LRBA: variants seen among roughly 807,000 people sequenced by gnomAD.
LRBA encodes LPS responsive beige-like anchor protein.
Under a neutral mutation model 330.0 loss-of-function variants are expected in LRBA, and 176 were observed. The observed-to-expected ratio is 0.53, with a 90% confidence interval of 0.47 to 0.60. LRBA has a LOEUF of 0.60. Ranked by LOEUF, LRBA falls within the 20% of genes least tolerant of loss-of-function variation. LRBA has a pLI of 0.00. For missense variants in LRBA, 3,259 were observed against 3,444.8 expected (o/e 0.95, Z 1.35); for synonymous variants, 1,230 against 1,193.0 (o/e 1.03, Z -0.64).
In LRBA at chr4:150,915,736, G is replaced by A; in HGVS notation, c.895-9C>T. The A allele has an allele frequency of 6.4e-7, 1 of 1,572,472 alleles. No homozygotes were observed. The highest frequency in any genetic ancestry group is 8.6e-7 in the Non-Finnish European group (1 of 1,162,810). ...ATGGTAACCATATACCACTGCAGAA[G>A]CAAAAAACAGTTAAAAATACAAAGA... On this transcript the variant is annotated splice_polypyrimidine_tract_variant and intron_variant, in intron 7 of 56. Transcript: ENST00000651943.
chr4:150,663,412 A>G (rs1345411535), intron 37 of LRBA, among the ~76,000 whole-genome samples: 1 of 152,148 alleles, frequency 6.6e-6, no homozygotes, highest in South Asian at 2.1e-4. Context: ...CATTTCCATT[A>G]CTGTCTACCA....
At chr4:150,763,418 T>C (rs972557450) in intron 34 of LRBA, among the ~76,000 whole-genome samples, 3 of 151,998 alleles carry the variant, frequency 2.0e-5, no homozygotes, top group Admixed American at 2.0e-4. Flanking sequence ...CTAAAATTCA[T>C]ACTGAATTCA....
intron 47 of LRBA, among the ~76,000 whole-genome samples, chr4:150,367,474 T>C (rs556547139): frequency 1.1e-4 from 16 of 152,334 alleles, no homozygotes; most frequent in African/African-American, 3.6e-4. Context: ...CATCAATTCA[T>C]TGGGCCAATG....
rs111711193 is a variant in LRBA, at chr4:150,445,657, G to T, written c.6781-8793C>A. ...TGCTTTTTGGAAAAAATATTAAATC[G>T]TTTTAAAAATGTGTTTATTTATTTA... is the stretch of plus-strand genomic sequence containing the variant. On this transcript the variant is annotated intron_variant, in intron 44 of 56. Coordinates refer to ENST00000651943, the MANE Select transcript of LRBA (RefSeq NM_001364905.1). Among the ~76,000 whole-genome samples the T allele has an allele frequency of 2.6e-5, 4 of 151,740 alleles. No individual in the cohort carries two copies. The East Asian group carries it at 7.7e-4, about 29-fold the overall frequency.
At position 150,635,135 on chromosome 4, in the gene LRBA, C is replaced by T. The variant is rs114278733; in HGVS notation, c.5922-36004G>A. ...CAACATGGCAGATTAGCATCCGAGA[C>T]GGAGTTTCTTTAGCCTCCACAGCTT... On this transcript the variant is annotated intron_variant, in intron 37 of 56. Coordinates refer to ENST00000651943, the MANE Select transcript of LRBA (RefSeq NM_001364905.1). Among the ~76,000 whole-genome samples, 19 of 152,274 alleles carry T rather than the reference C, an allele frequency of 1.2e-4. 1 individual carries two copies. The highest frequency in any genetic ancestry group is 3.8e-4 in the African/African-American group (16 of 41,570).
At chr4:150,366,993 A>G (rs562954036) in intron 47 of LRBA, among the ~76,000 whole-genome samples, 1 of 152,224 alleles carries the variant, frequency 6.6e-6, no homozygotes, top group East Asian at 1.9e-4. Context: ...TCAAAGTAGA[A>G]CTAATTTACT....
At chr4:150,398,906 G>A (rs1011939285) in intron 47 of LRBA, among the ~76,000 whole-genome samples, 9 of 152,132 alleles carry the variant, frequency 5.9e-5, no homozygotes, top group African/African-American at 1.9e-4. Context: ...GGATTTACAG[G>A]TGTGAGCCAC....
chr4:150,310,103 T>C (rs772818473), intron 52 of LRBA, 126 bp downstream of exon 52: 4 of 630,800 alleles, frequency 6.3e-6, no homozygotes, highest in Non-Finnish European at 1.1e-5. Context: ...CAATGCCCTC[T>C]TCTCCCTATT....
At chr4:150,404,522 G>A (rs1285909567) in intron 47 of LRBA, among the ~76,000 whole-genome samples, 3 of 152,078 alleles carry the variant, frequency 2.0e-5, no homozygotes, top group Non-Finnish European at 4.4e-5. Flanking sequence ...CAGGCACTGT[G>A]GTAAGAAAAG....
At chr4:150,880,139 T>C (rs897195762) in intron 17 of LRBA, among the ~76,000 whole-genome samples, 1 of 152,176 alleles carries the variant, frequency 6.6e-6, no homozygotes. Context: ...AAATAAGCAA[T>C]GGGGAAAGGA....
intron 37 of LRBA, among the ~76,000 whole-genome samples, chr4:150,602,467 T>C (rs1263911935): frequency 6.6e-6 from 1 of 152,142 alleles, no homozygotes; most frequent in Non-Finnish European, 1.5e-5. Flanking sequence ...AACTAGCATA[T>C]TTAAAGTCAT....
intron 49 of LRBA, among the ~76,000 whole-genome samples, chr4:150,324,085 G>A (rs17504013): frequency 0.031 from 4,706 of 152,200 alleles, 114 homozygotes; most frequent in Non-Finnish European, 0.047. Flanking sequence ...TGGAAAAGAC[G>A]GCCTCCCATC....
intron 37 of LRBA, among the ~76,000 whole-genome samples, chr4:150,639,783 G>GTATATATATATATATATATATATATA (rs1778380128): frequency 3.3e-4 from 1 of 2,992 alleles, no homozygotes; most frequent in African/African-American, 6.5e-4. Context: ...ATATATATAT[G>GTATATATATATATATATATATATATA]TGTGTGTGTA....
rs371751990 is a variant in LRBA at position 150,592,439 on chromosome 4, T to A, written c.6047-1580A>T. Among the ~76,000 whole-genome samples the A allele has an allele frequency of 5.3e-5, 8 of 152,066 alleles. No individual in the cohort carries two copies. In the East Asian group the frequency reaches 7.7e-4, roughly 15 times the overall value. ...CATTTATATACAATACTTATAGTGC[T>A]ACTGAAACATAGGAGTTTTCTATTT... On this transcript the variant is annotated intron_variant, in intron 38 of 56. Transcript: ENST00000651943.
intron 2 of LRBA, among the ~76,000 whole-genome samples, chr4:150,964,773 G>A (rs1392276188): frequency 7.2e-5 from 11 of 152,042 alleles, no homozygotes; most frequent in Non-Finnish European, 4.4e-5. Flanking sequence ...ATTGTCCTAT[G>A]ACCCTGCCAA....
intron 36 of LRBA, among the ~76,000 whole-genome samples, chr4:150,734,335 A>G (rs987447853): frequency 1.2e-4 from 18 of 152,010 alleles, no homozygotes; most frequent in Non-Finnish European, 1.5e-5. Context: ...TTCATTCTTT[A>G]TATTGATGAA....
intron 44 of LRBA, among the ~76,000 whole-genome samples, chr4:150,460,041 C>T (rs561090845): frequency 1.3e-5 from 2 of 149,098 alleles, no homozygotes; most frequent in Non-Finnish European, 3.0e-5. Context: ...AAACAATATT[C>T]CCCCCACCCC....
chr4:150,862,946 T>C (rs2126965870), intron 22 of LRBA, among the ~76,000 whole-genome samples: 1 of 151,946 alleles, frequency 6.6e-6, no homozygotes, highest in South Asian at 2.1e-4. Context: ...ACCACTGCAT[T>C]CCAGCCAGGG....
intron 33 of LRBA, among the ~76,000 whole-genome samples, chr4:150,805,324 GAA>G (rs1440830617): frequency 4.4e-5 from 6 of 135,622 alleles, no homozygotes; most frequent in African/African-American, 1.7e-4. Context: ...GAAAGGAAAG[GAA>G]AGGAAAGGAA....
Sources: allele counts gnomAD v4.1 joint callset (sites outside exome capture counted in the v4.1 genomes callset), GRCh38; gene constraint gnomAD v4.1.1; transcripts MANE v1.5; gene names NCBI Gene and HGNC (gene_info 2026-07-23, HGNC 2026-07-21).